TRPV1: variants seen among roughly 807,000 people sequenced by gnomAD.
TRPV1 encodes the protein OTRPC1.
In TRPV1, 82 loss-of-function variants were observed where a neutral mutation model predicts 82.3. The ratio of observed to expected loss-of-function variants is 1.00; its 90% CI spans 0.83 to 1.20. The LOEUF (loss-of-function observed/expected upper bound fraction) is 1.20, where lower values mean the gene tolerates loss of function less well. Ranked by LOEUF, TRPV1 falls within the 50% of genes most tolerant of loss-of-function variation. TRPV1 has a pLI of 0.00. For missense variants in TRPV1, 1,067 were observed against 1,096.8 expected, an observed-to-expected ratio of 0.97 and a Z score of 0.38; for synonymous variants, 515 against 467.7, an observed-to-expected ratio of 1.10 and a Z score of -1.30.
intron 11 of TRPV1, among the ~76,000 whole-genome samples, chr17:3,579,112 C>T (rs750033797): frequency 3.3e-5 from 5 of 152,066 alleles, no homozygotes; most frequent in Non-Finnish European, 5.9e-5. Context: ...CATTAGACCC[C>T]CAGACCTCAG....
intron 2 of TRPV1, among the ~76,000 whole-genome samples, chr17:3,604,878 C>T (rs545970262): frequency 6.6e-6 from 1 of 152,228 alleles, no homozygotes; most frequent in East Asian, 1.9e-4. Context: ...TCCCAAGGCC[C>T]CAGTCCTCCA....
chr17:3,605,840 C>G (rs1410088706), intron 2 of TRPV1, among the ~76,000 whole-genome samples: 1 of 152,162 alleles, frequency 6.6e-6, no homozygotes, highest in African/African-American at 2.4e-5. Flanking sequence ...AATGTGGCTG[C>G]CTGGGTCTGT....
At position 3,589,797 on chromosome 17, in the gene TRPV1, C is replaced by T. The variant is rs1367505671; in HGVS notation, c.1044+10G>A. On this transcript the variant is annotated intron_variant, in intron 7 of 16. Coordinates refer to ENST00000572705, the MANE Select transcript of TRPV1 (RefSeq NM_080704.4). ...GCACCGCACCAGCCTGAGCCGAAGC[C>T]CCCTCTTACCCCGATCTTCCCGGTC... The T allele has an allele frequency of 1.9e-6, 3 of 1,603,662 alleles. No individual in the cohort carries two copies. Among genetic ancestry groups the T allele is most frequent in the East Asian group, 2.2e-5 (1 of 44,806 alleles).
chr17:3,566,955 C>T lies in TRPV1; in HGVS notation c.2380G>A (p.Val794Ile). The T allele has an allele frequency of 6.2e-7, 1 of 1,613,902 alleles. No homozygotes were observed. Among genetic ancestry groups the T allele is most frequent in the Non-Finnish European group, 8.5e-7 (1 of 1,179,846 alleles). Reference protein sequence around the residue: ...SGRHWKNFALVPLLREASARD... With the variant: ...SGRHWKNFALIPLLREASARD... ...GCACTTGCCTCTCTTAAAAGGGGGA[C>T]CAGGGCAAAGTTCTTCCAGTGTCTG... is the stretch of plus-strand genomic sequence containing the variant. The change falls in exon 17 of 17, where the codon GTC becomes ATC. Residue 794 changes from valine to isoleucine, a missense_variant. By Grantham distance (29) the Val-to-Ile change is conservative. Coordinates refer to ENST00000572705, the MANE Select transcript of TRPV1 (RefSeq NM_080704.4).
chr17:3,569,093 G>A (rs923209587), intron 16 of TRPV1, among the ~76,000 whole-genome samples: 10 of 151,384 alleles, frequency 6.6e-5, no homozygotes, highest in Admixed American at 2.0e-4. Flanking sequence ...CAGGAAGGGG[G>A]ACATCACACA....
intron 10 of TRPV1, 51 bp downstream of exon 10, chr17:3,583,287 C>A (rs2075044236): frequency 2.7e-6 from 4 of 1,495,792 alleles, no homozygotes; most frequent in Non-Finnish European, 3.7e-6. Context: ...ATCTTCTTGG[C>A]TTTTTGTTTT....
intron 2 of TRPV1, among the ~76,000 whole-genome samples, chr17:3,607,501 C>T (rs2075303595): frequency 6.6e-6 from 1 of 151,152 alleles, no homozygotes; most frequent in Admixed American, 6.7e-5. Flanking sequence ...ACAAATTAGG[C>T]ACAGTAAGAG....
intron 2 of TRPV1, among the ~76,000 whole-genome samples, chr17:3,593,906 C>T (rs1441866348): frequency 6.6e-6 from 1 of 152,012 alleles, no homozygotes; most frequent in Non-Finnish European, 1.5e-5. Flanking sequence ...AGGTGGATCA[C>T]CTGAGGTCAG....
chr17:3,584,880 C>T (rs1308066661), intron 9 of TRPV1, among the ~76,000 whole-genome samples: 2 of 152,244 alleles, frequency 1.3e-5, no homozygotes, highest in Admixed American at 6.5e-5. Context: ...GGGTATCAGA[C>T]ACGAAGGACT....
intron 10 of TRPV1, among the ~76,000 whole-genome samples, chr17:3,581,740 C>A (rs1325745129): frequency 1.4e-5 from 2 of 144,390 alleles, no homozygotes; most frequent in Non-Finnish European, 3.0e-5. Flanking sequence ...CAAAAATTAG[C>A]CGGGCGCGGT....
chr17:3,585,613 C>A lies in TRPV1; in HGVS notation c.1383+155G>T, dbSNP rs144352772. On this transcript the variant is annotated intron_variant, in intron 9 of 16. Transcript: ENST00000572705. ...GGCAGGGGAGATGGGCGCAGGGATA[C>A]GAGGTTCTCCACGTTCTCCATCCAT... 2.6e-5 allele frequency: 23 copies of A among 898,886 alleles called. No homozygotes were observed. The South Asian group carries it at 3.9e-4, about 15-fold the overall frequency. The allele number at this position is 898,886 out of a possible 1,614,324, so 55.7% of individuals were successfully genotyped here.
At chr17:3,583,589 G>A (rs2075048123) in intron 9 of TRPV1, among the ~76,000 whole-genome samples, 159 bp from the exon 10 acceptor site, 1 of 152,256 alleles carries the variant, frequency 6.6e-6, no homozygotes, top group Admixed American at 6.5e-5. Flanking sequence ...CGCCCGCAAG[G>A]AGGCCCCTCT....
chr17:3,585,696 T>G, intron 9 of TRPV1, 72 bp downstream of exon 9: 1 of 1,503,978 alleles, frequency 6.6e-7, no homozygotes, highest in Non-Finnish European at 8.9e-7. Context: ...GTCGGGGAGG[T>G]CTCCCGAAAT....
chr17:3,566,786 G>C lies in TRPV1; in HGVS notation c.*29C>G. On this transcript the variant is annotated 3_prime_UTR_variant, in exon 17 of 17. Coordinates refer to ENST00000572705, the MANE Select transcript of TRPV1 (RefSeq NM_080704.4). The stretch of plus-strand genomic sequence containing the variant: ...TGGCAACGGGGTCTCCTAAGGCCCA[G>C]TGTTGACAGTGCTGTCTGCGTGACG... 6.2e-7 allele frequency: 1 copy of C among 1,609,496 alleles called. No individual in the cohort carries two copies. The highest frequency in any genetic ancestry group is 1.1e-5 in the South Asian group (1 of 90,626).
chr17:3,588,360 G>T lies in TRPV1; in HGVS notation c.1052C>A (p.Ala351Asp). ...CTGGATCTCCCGCTGGAGAATATAG[G>T]CCAAGACCTGCCCCCGGGGAGCAAG... ...AAGTGKIGVL[A>D]YILQREIQEP... Residue 351 changes from alanine to aspartate, a missense_variant, in exon 8 of 17, where the codon GCC becomes GAC. By Grantham distance (126) the Ala-to-Asp change is moderately radical. Transcript: ENST00000572705. 1 of 1,555,540 alleles carries T rather than the reference G, an allele frequency of 6.4e-7. No homozygotes were observed. The highest frequency in any genetic ancestry group is 8.7e-7 in the Non-Finnish European group (1 of 1,149,328).
Position 3,571,597 on chromosome 17 carries a change from G to A in TRPV1, c.2274C>T (p.Gly758=). The part of the protein sequence containing the change: ...VNWTTWNTNV[G]IINEDPGNCE... Reference sequence around the variant, plus strand: ...AGTTGCCCGGGTCTTCGTTGATGATGCCCACGTTGGTGTTCCAGGTGGTCC... The same window carrying A: ...AGTTGCCCGGGTCTTCGTTGATGATACCCACGTTGGTGTTCCAGGTGGTCC... The change falls in exon 16 of 17, where the codon GGC becomes GGT. Residue 758 remains glycine (G), a synonymous_variant. Transcript: ENST00000572705. 6.2e-7 allele frequency: 1 copy of A among 1,612,760 alleles called. No individual in the cohort carries two copies.
At chr17:3,603,178 G>A (rs16953295) in intron 2 of TRPV1, among the ~76,000 whole-genome samples, 22,632 of 151,804 alleles carry the variant, frequency 0.15, 5,102 homozygotes, top group African/African-American at 0.49. Context: ...CCTGCATTTC[G>A]TCTCTGTGTT....
At chr17:3,585,976 C>A in intron 8 of TRPV1, 50 bp from the exon 9 acceptor site, 1 of 1,606,436 alleles carries the variant, frequency 6.2e-7, no homozygotes. Context: ...AGGAACTCCT[C>A]GCACGCCCAC....
At chr17:3,593,167 G>C (rs1378459426) in intron 2 of TRPV1, among the ~76,000 whole-genome samples, 2 of 150,932 alleles carry the variant, frequency 1.3e-5, no homozygotes, top group Non-Finnish European at 2.9e-5. Flanking sequence ...GCCCAGACTA[G>C]AGTGCAATGG....
Sources: gnomAD v4.1 joint callset for allele counts (sites outside exome capture counted in the v4.1 genomes callset) on GRCh38, gnomAD v4.1.1 for gene constraint, MANE v1.5 for transcripts, NCBI Gene and HGNC (gene_info 2026-07-23, HGNC 2026-07-21) for gene names.